The following NTM variants were observed in gnomAD, a reference collection of about 807,000 sequenced individuals.
The protein encoded by NTM is IgLON family member 2.
A neutral mutation model predicts 42.1 loss-of-function variants in NTM; 13 were observed. The ratio of observed to expected loss-of-function variants is 0.31; its 90% CI spans 0.20 to 0.49. The LOEUF (loss-of-function observed/expected upper bound fraction) is 0.49. Among genes scored for constraint, NTM ranks in the 20% least tolerant of loss-of-function variants. The pLI is 0.99. For missense variants in NTM, 373 were observed against 452.8 expected (o/e 0.82, Z 1.60); for synonymous variants, 187 against 179.2 (o/e 1.04, Z -0.35).
chr11:131,979,907 G>A (rs1055790039), intron 2 of NTM, among the ~76,000 whole-genome samples: 2 of 152,186 alleles, frequency 1.3e-5, no homozygotes, highest in Non-Finnish European at 2.9e-5. Flanking sequence ...TCTCTATAGG[G>A]AGCTCCTTGC....
At chr11:131,501,249 G>A (rs1366837247) in intron 1 of NTM, among the ~76,000 whole-genome samples, 1 of 152,148 alleles carries the variant, frequency 6.6e-6, no homozygotes, top group Non-Finnish European at 1.5e-5. Flanking sequence ...AGTGGTGAGT[G>A]TTGTGAAGAA....
intron 7 of NTM, among the ~76,000 whole-genome samples, chr11:132,320,934 A>C (rs576931788): frequency 1.5e-4 from 23 of 150,596 alleles, no homozygotes; most frequent in East Asian, 5.9e-4. Context: ...CTCACACTGC[A>C]GGGTACTCCA....
chr11:131,911,116 C>G, intron 1 of NTM: 1 of 1,219,700 alleles, frequency 8.2e-7, no homozygotes. Flanking sequence ...TTACTCCTCT[C>G]CAAAGTGCCG....
At chr11:131,980,466 C>T (rs2027783) in intron 2 of NTM, among the ~76,000 whole-genome samples, 53,124 of 152,084 alleles carry the variant, frequency 0.35, 9,483 homozygotes, top group East Asian at 0.53. Context: ...ATGATCTCTA[C>T]TGATCTCTTA....
chr11:131,555,013 T>C (rs1376615883), intron 1 of NTM, among the ~76,000 whole-genome samples: 1 of 152,178 alleles, frequency 6.6e-6, no homozygotes, highest in Non-Finnish European at 1.5e-5. Flanking sequence ...ATCACCATTA[T>C]GGGCCATGTG....
rs887358758 is a variant in NTM, at chr11:132,196,952, GAAAAT to G, written c.401-15065_401-15061del. Among the ~76,000 whole-genome samples, 3 of 152,260 alleles carry G rather than the reference GAAAAT, an allele frequency of 2.0e-5. No individual in the cohort carries two copies. The South Asian group carries it at 6.2e-4, about 32-fold the overall frequency. On this transcript the variant is annotated intron_variant, in intron 3 of 8. Transcript: ENST00000683400. The stretch of plus-strand genomic sequence containing the variant: ...TGACATAAAAGCCAAGAGAAAAAAA[GAAAAT>G]AAAAAGCATCGAATCCAGTTTTTGG...
intron 1 of NTM, among the ~76,000 whole-genome samples, chr11:131,391,358 A>G (rs1203378191): frequency 3.3e-5 from 5 of 152,078 alleles, no homozygotes; most frequent in Admixed American, 3.3e-4. Context: ...CTCCACTGCC[A>G]AGCTTGGCCC....
At chr11:132,330,227 G>C in intron 8 of NTM, 42 bp downstream of exon 8, 1 of 1,534,446 alleles carries the variant, frequency 6.5e-7, no homozygotes, top group Non-Finnish European at 8.8e-7. Context: ...GGTGGGTGTG[G>C]GGTATGTAAA....
At chr11:132,149,116 C>G (rs1472192973) in intron 3 of NTM, among the ~76,000 whole-genome samples, 1 of 150,548 alleles carries the variant, frequency 6.6e-6, no homozygotes, top group Non-Finnish European at 1.5e-5. Context: ...GAATAGAGGA[C>G]CATAGTTTTT....
intron 1 of NTM, among the ~76,000 whole-genome samples, chr11:131,415,978 A>G (rs1199657225): frequency 6.6e-6 from 1 of 152,222 alleles, no homozygotes; most frequent in Non-Finnish European, 1.5e-5. Flanking sequence ...CAGACTTGGA[A>G]AATGAAAATA....
chr11:131,467,177 A>G (rs1951977123), intron 1 of NTM, among the ~76,000 whole-genome samples: 1 of 152,266 alleles, frequency 6.6e-6, no homozygotes, highest in East Asian at 1.9e-4. Flanking sequence ...AAGAGAATGT[A>G]AGAGGAACTA....
At chr11:132,321,846 A>G (rs2095575808) in intron 7 of NTM, among the ~76,000 whole-genome samples, 1 of 150,132 alleles carries the variant, frequency 6.7e-6, no homozygotes, top group Admixed American at 6.7e-5. Flanking sequence ...GAAACCCTAC[A>G]AGCCAGAAGA....
At chr11:132,133,510 G>T (rs1175610663) in intron 2 of NTM, among the ~76,000 whole-genome samples, 1 of 152,180 alleles carries the variant, frequency 6.6e-6, no homozygotes, top group Non-Finnish European at 1.5e-5. Flanking sequence ...ACTGCCTGAA[G>T]TGAAGTTTAA....
chr11:132,331,539 T>G (rs1465090144), intron 8 of NTM, among the ~76,000 whole-genome samples: 1 of 152,190 alleles, frequency 6.6e-6, no homozygotes, highest in African/African-American at 2.4e-5. Context: ...CAAATAAATG[T>G]GGATATGTCA....
At chr11:131,669,950 C>A (rs1194634020) in intron 1 of NTM, among the ~76,000 whole-genome samples, 2 of 152,182 alleles carry the variant, frequency 1.3e-5, no homozygotes, top group South Asian at 2.1e-4. Context: ...AGCAAAGATG[C>A]TGGCACTCTC....
chr11:131,666,842 T>C lies in NTM; in HGVS notation c.83-244722T>C, dbSNP rs1025242683. 7.8e-4 allele frequency among the ~76,000 whole-genome samples: 119 copies of C among 152,180 alleles called. 5 individuals carry two copies. Among genetic ancestry groups the C allele is most frequent in the Non-Finnish European group, 4.4e-5 (3 of 68,044 alleles). On this transcript the variant is annotated intron_variant, in intron 1 of 8. Transcript: ENST00000683400. Reference sequence around the variant, plus strand: ...GACTTACCAGGGAGGGGGGCATTCTTTTCCAGCTGTGGCTGGGATCAACAT... The same window carrying C: ...GACTTACCAGGGAGGGGGGCATTCTCTTCCAGCTGTGGCTGGGATCAACAT...
At chr11:131,779,545 A>G (rs557525610) in intron 1 of NTM, among the ~76,000 whole-genome samples, 34 of 152,092 alleles carry the variant, frequency 2.2e-4, no homozygotes, top group Non-Finnish European at 4.7e-4. Flanking sequence ...TTTTTCGTAG[A>G]CTAGTAGGGA....
Position 132,309,888 on chromosome 11 carries a change from G to A in NTM, c.662-224G>A, listed in dbSNP as rs549248520. 1.1e-3 allele frequency among the ~76,000 whole-genome samples: 164 copies of A among 151,954 alleles called. 1 individual carries two copies. Among genetic ancestry groups the A allele is most frequent in the Middle Eastern group, 3.4e-3 (1 of 294 alleles). On this transcript the variant is annotated intron_variant, in intron 5 of 8. Transcript: ENST00000683400. The stretch of plus-strand genomic sequence containing the variant: ...CTGGCCAACATGGTGAAACCCCGTC[G>A]CTGCTAAAAATACAAAAATTAGGCA...
chr11:131,474,600 T>C (rs1016488264), intron 1 of NTM, among the ~76,000 whole-genome samples: 2 of 152,102 alleles, frequency 1.3e-5, no homozygotes, highest in Non-Finnish European at 2.9e-5. Context: ...GAATTCTCTT[T>C]CTTGATTTGT....
Sources: gnomAD v4.1 joint callset for allele counts (sites outside exome capture counted in the v4.1 genomes callset) on GRCh38, gnomAD v4.1.1 for gene constraint, MANE v1.5 for transcripts, NCBI Gene and HGNC (gene_info 2026-07-23, HGNC 2026-07-21) for gene names.